Variants in KLRG2 observed in about 807,000 individuals in gnomAD.
KLRG2 encodes killer cell lectin-like receptor subfamily G member 2.
In KLRG2, 39 loss-of-function variants were observed where a neutral mutation model predicts 35.4. The ratio of observed to expected loss-of-function variants is 1.10; its 90% confidence interval spans 0.85 to 1.44. The LOEUF is 1.44. KLRG2 is among the 40% of genes most tolerant of loss of function. The pLI is 0.00. For missense variants in KLRG2, 632 were observed against 570.9 expected (o/e 1.11, Z -1.09); for synonymous variants, 283 against 265.8 (o/e 1.06, Z -0.63).
intron 3 of KLRG2, among the ~76,000 whole-genome samples, chr7:139,469,740 G>T (rs1342173158): frequency 6.6e-6 from 1 of 152,156 alleles, no homozygotes; most frequent in African/African-American, 2.4e-5. Context: ...CACTACGCCC[G>T]GCTAATACAG....
chr7:139,482,908 C>T lies in KLRG2; in HGVS notation c.735G>A (p.Leu245=). 1.3e-6 allele frequency: 2 copies of T among 1,492,106 alleles called. No homozygotes were observed. Among genetic ancestry groups the T allele is most frequent in the South Asian group, 1.3e-5 (1 of 77,406 alleles). The allele number at this position is 1,492,106 out of a possible 1,614,324, so 92.4% of individuals were successfully genotyped here. The change falls in exon 1 of 5, where the codon CTG becomes CTA. Residue 245 remains leucine, a synonymous_variant. Coordinates refer to ENST00000340940, the MANE Select transcript of KLRG2 (RefSeq NM_198508.4). ...PRAGLDGDEK[L]PRAVTLTGLP... ...CACCCGTAAGCGTTACGGCCCGGGG[C>T]AGCTTCTCGTCGCCGTCCAACCCCG...
chr7:139,449,983 G>C (rs569820308), downstream of KLRG2, among the ~76,000 whole-genome samples: 3 of 152,036 alleles, frequency 2.0e-5, no homozygotes, highest in African/African-American at 7.2e-5. Flanking sequence ...TTACAGGCGT[G>C]AGCCACTGTG....
At chr7:139,432,047 T>C in the KLRG2 span, among the ~76,000 whole-genome samples, 1 of 119,468 alleles carries the variant, frequency 8.4e-6, no homozygotes, top group Non-Finnish European at 1.6e-5. Flanking sequence ...TGTAAATGTA[T>C]GTTTTAAAAA....
rs796359950 is a variant in KLRG2 at position 139,470,717 on chromosome 7, G to C, written c.1005+8910C>G. ...GAGGCAAGAGGATTGCTTGAGTCAG[G>C]AGAGTTCGAGGCTGCAGCGAGCTAT... On this transcript the variant is annotated intron_variant, in intron 3 of 4. Coordinates refer to ENST00000340940, the MANE Select transcript of KLRG2 (RefSeq NM_198508.4). 2.0e-5 allele frequency among the ~76,000 whole-genome samples: 3 copies of C among 152,124 alleles called. No individual in the cohort carries two copies. In the South Asian group the frequency reaches 6.2e-4, roughly 32 times the overall value.
chr7:139,462,242 CAG>C (rs1796581118), intron 3 of KLRG2, among the ~76,000 whole-genome samples: 1 of 152,188 alleles, frequency 6.6e-6, no homozygotes, highest in South Asian at 2.1e-4. Flanking sequence ...ACCCACGTTT[CAG>C]AGGTGTCTGA....
At chr7:139,442,217 A>G in the KLRG2 span, among the ~76,000 whole-genome samples, 1 of 152,148 alleles carries the variant, frequency 6.6e-6, no homozygotes, top group East Asian at 1.9e-4. Flanking sequence ...AGTCACACAG[A>G]CAAGCCTTGT....
rs538161919 is a variant in KLRG2 at position 139,472,799 on chromosome 7, A to G, written c.1005+6828T>C. Reference sequence around the variant, plus strand: ...GAGACAACAGGTCCTTCTGAAGGCCAATGTACGGGAAAAAGGACCGGTTGA... The same window carrying G: ...GAGACAACAGGTCCTTCTGAAGGCCGATGTACGGGAAAAAGGACCGGTTGA... On this transcript the variant is annotated intron_variant, in intron 3 of 4. Transcript: ENST00000340940. Among the ~76,000 whole-genome samples, 3 of 152,332 alleles carry G rather than the reference A, an allele frequency of 2.0e-5. No homozygotes were observed. In the South Asian group the frequency reaches 6.2e-4, roughly 32 times the overall value.
At chr7:139,432,806 ATTGT>A in the KLRG2 span, among the ~76,000 whole-genome samples, 3 of 152,110 alleles carry the variant, frequency 2.0e-5, no homozygotes, top group African/African-American at 7.2e-5. Flanking sequence ...CAGTTGTTAC[ATTGT>A]TTGTATATCA....
intron 3 of KLRG2, among the ~76,000 whole-genome samples, chr7:139,454,817 C>CAAAATA (rs1178361809): frequency 8.6e-6 from 1 of 116,004 alleles, no homozygotes; most frequent in Non-Finnish European, 1.8e-5. Flanking sequence ...AATTCTATCT[C>CAAAATA]AAAATAATAA....
At chr7:139,444,911 C>T in the KLRG2 span, among the ~76,000 whole-genome samples, 1,793 of 152,172 alleles carry the variant, frequency 0.012, 40 homozygotes, top group African/African-American at 0.04. Context: ...AGTATAAAAA[C>T]GGGCTAATCT....
chr7:139,432,356 A>G, the KLRG2 span, among the ~76,000 whole-genome samples: 3 of 151,898 alleles, frequency 2.0e-5, no homozygotes, highest in Admixed American at 6.6e-5. Context: ...CTGTCTTTGA[A>G]AAAAGAAAAA....
At chr7:139,482,774 G>A in intron 1 of KLRG2, 112 bp downstream of exon 1, 1 of 995,908 alleles carries the variant, frequency 1.0e-6, no homozygotes, top group East Asian at 3.3e-5. Context: ...ATGGCCAACT[G>A]GGTCCCTTAG....
At chr7:139,467,230 C>T (rs933902892) in intron 3 of KLRG2, among the ~76,000 whole-genome samples, 1 of 152,096 alleles carries the variant, frequency 6.6e-6, no homozygotes, top group Non-Finnish European at 1.5e-5. Context: ...AAATTTTCGC[C>T]GCCCCAACAC....
rs569286566 is a variant in KLRG2, at chr7:139,467,051, A to C, written c.1005+12576T>G. Among the ~76,000 whole-genome samples, 4 of 152,160 alleles carry C rather than the reference A, an allele frequency of 2.6e-5. No individual in the cohort carries two copies. The South Asian group carries it at 8.3e-4, about 32-fold the overall frequency. ...ACAAAACTGCATCCAGGCCATCACC[A>C]AACATTCTATGGGACAAATACTCCT... On this transcript the variant is annotated intron_variant, in intron 3 of 4. Coordinates refer to ENST00000340940, the MANE Select transcript of KLRG2 (RefSeq NM_198508.4).
chr7:139,476,526 G>C (rs1796853164), intron 3 of KLRG2, among the ~76,000 whole-genome samples: 1 of 151,750 alleles, frequency 6.6e-6, no homozygotes, highest in African/African-American at 2.4e-5. Flanking sequence ...ACTGCATCCT[G>C]TCTTCTGGGT....
intron 1 of KLRG2, 145 bp from the exon 2 acceptor site, chr7:139,480,392 A>C: frequency 7.6e-6 from 4 of 525,430 alleles, no homozygotes; most frequent in East Asian, 3.4e-5. Context: ...CATAAACCAC[A>C]ACGTTTAAGT....
At position 139,480,167 on chromosome 7, in the gene KLRG2, C is replaced by A. The variant is rs754525625; in HGVS notation, c.838G>T (p.Val280Leu). 21 of 1,613,638 alleles carry A rather than the reference C, an allele frequency of 1.3e-5. No homozygotes were observed. In the Admixed American group the frequency reaches 2.7e-4, roughly 20 times the overall value. The change falls in exon 2 of 5, where the codon GTG (valine) becomes TTG (leucine). Residue 280 changes from valine to leucine, a missense_variant. Coordinates refer to ENST00000340940, the MANE Select transcript of KLRG2 (RefSeq NM_198508.4). ...VLLAVSGVVI[V>L]VLASRAGARC... ...ATACCTGCTCTTGAGGCCAGGACCA[C>A]AATGACAACCCCAGAGACTGCCAGG...
intron 3 of KLRG2, among the ~76,000 whole-genome samples, chr7:139,467,648 AAG>A (rs57531968): frequency 0.22 from 32,008 of 144,464 alleles, 4,367 homozygotes; most frequent in African/African-American, 0.35. Flanking sequence ...CATGCTCGTT[AAG>A]AGTCATCACC....
intron 3 of KLRG2, among the ~76,000 whole-genome samples, chr7:139,460,548 A>C (rs533213189): frequency 3.3e-5 from 5 of 152,148 alleles, no homozygotes; most frequent in Middle Eastern, 3.4e-3. Context: ...GCGTGGTTCC[A>C]GCTACTCAGG....
Sources: gnomAD v4.1 joint callset for allele counts (sites outside exome capture counted in the v4.1 genomes callset) on GRCh38, gnomAD v4.1.1 for gene constraint, MANE v1.5 for transcripts, NCBI Gene and HGNC (gene_info 2026-07-23, HGNC 2026-07-21) for gene names.